The following ITGB6 variants were observed in gnomAD, a reference collection of about 807,000 sequenced individuals.
ITGB6 encodes the protein integrin beta-6.
In ITGB6, 80 loss-of-function variants were observed where a neutral mutation model predicts 84.5. That is an observed-to-expected ratio of 0.95 (90% CI 0.79 to 1.14). The LOEUF (loss-of-function observed/expected upper bound fraction) is 1.14. Ranked by LOEUF, ITGB6 falls within the 50% of genes most tolerant of loss-of-function variation. ITGB6 has a pLI of 0.00. For missense variants in ITGB6, 1,006 were observed against 968.0 expected (o/e 1.04, Z -0.52); for synonymous variants, 383 against 354.9 (o/e 1.08, Z -0.89).
chr2:160,126,542 A>G lies in ITGB6; in HGVS notation c.1720T>C (p.Cys574Arg), dbSNP rs772576883. ...VCRSGWTGEY[C>R]NCTTSTDSCV... ...GAGTCCGTGCTGGTGGTGCAGTTGC[A>G]GTACTCGCCAGTCCAGCCGCTCCTG... Residue 574 changes from cysteine (C) to arginine (R), a missense_variant, in exon 11 of 15, where the codon TGC (cysteine) becomes CGC (arginine). Transcript: ENST00000283249. The G allele has an allele frequency of 7.4e-6, 12 of 1,614,046 alleles. No homozygotes were observed. In the South Asian group the frequency reaches 1.3e-4, roughly 18 times the overall value.
At chr2:160,116,197 A>G (rs1682759218) in intron 12 of ITGB6, among the ~76,000 whole-genome samples, 1 of 151,864 alleles carries the variant, frequency 6.6e-6, no homozygotes, top group African/African-American at 2.4e-5. Context: ...AGCAACTCCA[A>G]GACACACAAT....
chr2:160,173,987 G>C lies in ITGB6; in HGVS notation c.746C>G (p.Ala249Gly). ...CCTTCAGCATACCTTACACACAGCA[G>C]CTTGCATAATTGCATCAAATCCACC... is the stretch of plus-strand genomic sequence containing the variant. ...PEGGFDAIMQ[A>G]AVCKEKIGWR... is the part of the protein sequence containing the mutation. The change falls in exon 5 of 15, where the codon GCT (alanine) becomes GGT (glycine). Residue 249 changes from alanine to glycine, a missense_variant. Coordinates refer to ENST00000283249, the MANE Select transcript of ITGB6 (RefSeq NM_000888.5). The C allele has an allele frequency of 6.2e-7, 1 of 1,613,532 alleles. No individual in the cohort carries two copies. Among genetic ancestry groups the C allele is most frequent in the Non-Finnish European group, 8.5e-7 (1 of 1,179,846 alleles).
intron 7 of ITGB6, among the ~76,000 whole-genome samples, chr2:160,161,054 G>A (rs1314287086): frequency 1.3e-5 from 2 of 152,166 alleles, no homozygotes; most frequent in Non-Finnish European, 2.9e-5. Context: ...ATATAAAAAA[G>A]TAACTAAGTA....
In ITGB6 at chr2:160,114,944, G is replaced by A. The variant is rs182226757; in HGVS notation, c.1982-2745C>T. On this transcript the variant is annotated intron_variant, in intron 12 of 14. Transcript: ENST00000283249. ...ACACTGCTAGGCGGCAGCGAGGCTGGGGGAGGGGCACCTGCCATTGCCCAG... is the reference window on the plus strand; with the variant it reads ...ACACTGCTAGGCGGCAGCGAGGCTGAGGGAGGGGCACCTGCCATTGCCCAG... 2.3e-3 allele frequency among the ~76,000 whole-genome samples: 351 copies of A among 152,344 alleles called. 1 individual carries two copies. Among genetic ancestry groups the A allele is most frequent in the African/African-American group, 7.9e-3 (329 of 41,588 alleles).
In ITGB6 at chr2:160,196,303, T is replaced by A. The variant is rs2105898755; in HGVS notation, c.259A>T (p.Asn87Tyr). The A allele has an allele frequency of 6.2e-7, 1 of 1,614,122 alleles. No homozygotes were observed. The highest frequency in any genetic ancestry group is 2.2e-5 in the East Asian group (1 of 44,868). The change falls in exon 3 of 15, where the codon AAT becomes TAT. Residue 87 changes from asparagine (N) to tyrosine (Y), a missense_variant. By Grantham distance (143) the Asn-to-Tyr change is moderately radical. Coordinates refer to ENST00000283249, the MANE Select transcript of ITGB6 (RefSeq NM_000888.5). ...NPVSQVEILK[N>Y]KPLSVGRQKN... ...TGTCTGCCTACACTGAGAGGCTTAT[T>A]TTTAAGTATTTCTACTTGGGAGACA...
At position 160,100,570 on chromosome 2, in the gene ITGB6, A is replaced by T. The variant is rs1696678225; in HGVS notation, c.*1166T>A. On this transcript the variant is annotated 3_prime_UTR_variant, in exon 15 of 15. Transcript: ENST00000283249. The stretch of plus-strand genomic sequence containing the variant: ...CAAGTGAGACGAAAGTGCTTTGTAA[A>T]GGAGTAATAACCACAAGAAATAATA... The T allele has an allele frequency of 6.6e-6, 1 of 152,192 alleles. No homozygotes were observed. Among genetic ancestry groups the T allele is most frequent in the Non-Finnish European group, 1.5e-5 (1 of 68,042 alleles). 9.4% of individuals were successfully genotyped at this position (152,192 alleles called of 1,614,324 possible).
rs974089707 is a variant in ITGB6 at position 160,134,390 on chromosome 2, C to T, written c.1660+3044G>A. ...AATCTCTGAATAGACCAATAACAGG[C>T]TCTGAAATTGAGGCAATAATTAATA... is the stretch of plus-strand genomic sequence containing the variant. On this transcript the variant is annotated intron_variant, in intron 10 of 14. Coordinates refer to ENST00000283249, the MANE Select transcript of ITGB6 (RefSeq NM_000888.5). Among the ~76,000 whole-genome samples, 8 of 152,216 alleles carry T rather than the reference C, an allele frequency of 5.3e-5. No homozygotes were observed. The East Asian group carries it at 1.5e-3, about 29-fold the overall frequency.
At position 160,107,801 on chromosome 2, in the gene ITGB6, A is replaced by G; in HGVS notation, c.2146T>C (p.Ser716Pro). 1.2e-6 allele frequency: 2 copies of G among 1,613,950 alleles called. 1 individual carries two copies. Among genetic ancestry groups the G allele is most frequent in the South Asian group, 2.2e-5 (2 of 91,056 alleles). The stretch of plus-strand genomic sequence containing the variant: ...ACCCCGATGAGAAGAATAGCCAGGG[A>G]AACCCCTAACATGATCATGGGAATG... The part of the protein sequence containing the change: ...PNIPMIMLGV[S>P]LAILLIGVVL... The change falls in exon 14 of 15, where the codon TCC (serine) becomes CCC (proline). Residue 716 changes from serine to proline, a missense_variant. Transcript: ENST00000283249.
rs200886595 is a variant in ITGB6 at position 160,136,137 on chromosome 2, A to G, written c.1660+1297T>C. Among the ~76,000 whole-genome samples, 14 of 152,224 alleles carry G rather than the reference A, an allele frequency of 9.2e-5. No homozygotes were observed. The East Asian group carries it at 2.7e-3, about 29-fold the overall frequency. On this transcript the variant is annotated intron_variant, in intron 10 of 14. Transcript: ENST00000283249. ...CAGGCAACCTACAGAATGGGAGAAA[A>G]TTTTTGCAATCTACTCATCTGACAA...
intron 6 of ITGB6, among the ~76,000 whole-genome samples, chr2:160,172,203 T>TC (rs1685232202): frequency 6.6e-6 from 1 of 152,248 alleles, no homozygotes; most frequent in African/African-American, 2.4e-5. Context: ...TCAAGGACTA[T>TC]CATTCACTGC....
intron 7 of ITGB6, among the ~76,000 whole-genome samples, chr2:160,154,710 A>G (rs2105843703): frequency 6.6e-6 from 1 of 152,360 alleles, no homozygotes; most frequent in South Asian, 2.1e-4. Context: ...TTTAAAAAAA[A>G]AAAGGCTGTG....
At chr2:160,141,847 G>T in intron 8 of ITGB6, 135 bp downstream of exon 8, 1 of 556,994 alleles carries the variant, frequency 1.8e-6, no homozygotes, top group South Asian at 2.3e-5. Context: ...TATTTTGGCT[G>T]CATTCATGCA....
rs535125016 is a variant in ITGB6 at position 160,151,713 on chromosome 2, G to A, written c.1018-9642C>T. 2.6e-5 allele frequency among the ~76,000 whole-genome samples: 4 copies of A among 151,832 alleles called. No individual in the cohort carries two copies. The South Asian group carries it at 8.3e-4, about 32-fold the overall frequency. On this transcript the variant is annotated intron_variant, in intron 7 of 14. Transcript: ENST00000283249. ...ATAGACCACTAGCAAGACTAATAAA[G>A]AAGAAAAGAGAGAAGAATAAAATAG...
chr2:160,124,027 AAGGAT>A (rs1683142773), intron 11 of ITGB6, 139 bp from the exon 12 acceptor site: 2 of 591,220 alleles, frequency 3.4e-6, no homozygotes, highest in Admixed American at 6.3e-5. Flanking sequence ...TTACTTTCAA[AAGGAT>A]AGTAGGGTAA....
intron 14 of ITGB6, 96 bp from the exon 15 acceptor site, chr2:160,101,930 A>C: frequency 2.9e-6 from 2 of 695,034 alleles, no homozygotes; most frequent in Non-Finnish European, 5.1e-6. Flanking sequence ...AGTCAAGCTC[A>C]GTCTTGGAAA....
rs774553848 is a variant in ITGB6 at position 160,196,298 on chromosome 2, C to T, written c.264G>A (p.Lys88=). 12 of 1,613,872 alleles carry T rather than the reference C, an allele frequency of 7.4e-6. No individual in the cohort carries two copies. The highest frequency in any genetic ancestry group is 1.6e-4 in the Middle Eastern group (1 of 6,080). Residue 88 remains lysine, a synonymous_variant, in exon 3 of 15, where the codon AAG becomes AAA. Coordinates refer to ENST00000283249, the MANE Select transcript of ITGB6 (RefSeq NM_000888.5). ...TTTTCTGTCTGCCTACACTGAGAGG[C>T]TTATTTTTAAGTATTTCTACTTGGG... ...PVSQVEILKN[K]PLSVGRQKNS... is the part of the protein sequence containing the mutation.
chr2:160,157,096 G>C (rs1050561182), intron 7 of ITGB6, among the ~76,000 whole-genome samples: 1 of 152,108 alleles, frequency 6.6e-6, no homozygotes, highest in African/African-American at 2.4e-5. Flanking sequence ...TCCAGTCTCT[G>C]CGTCCATTGT....
chr2:160,166,105 GT>G (rs890220541), intron 7 of ITGB6, among the ~76,000 whole-genome samples: 1 of 152,288 alleles, frequency 6.6e-6, no homozygotes, highest in African/African-American at 2.4e-5. Context: ...ATGATTGAGG[GT>G]TTTTTGTCTC....
chr2:160,115,596 G>A (rs1158462230), intron 12 of ITGB6, among the ~76,000 whole-genome samples: 1 of 152,212 alleles, frequency 6.6e-6, no homozygotes, highest in African/African-American at 2.4e-5. Flanking sequence ...ACTCTAAAAA[G>A]CAGAGTGCCT....
Sources: gnomAD v4.1 joint callset for allele counts (sites outside exome capture counted in the v4.1 genomes callset) on GRCh38, gnomAD v4.1.1 for gene constraint, MANE v1.5 for transcripts, NCBI Gene and HGNC (gene_info 2026-07-23, HGNC 2026-07-21) for gene names.